Variants in CADPS2 observed in about 807,000 individuals in gnomAD.
CADPS2 encodes the protein calcium-dependent secretion activator 2.
CADPS2 carries 93 observed loss-of-function variants against 172.5 expected under a neutral mutation model. The ratio of observed to expected loss-of-function variants is 0.54; its 90% CI spans 0.46 to 0.64. CADPS2 has a LOEUF of 0.64. Ranked by LOEUF, CADPS2 falls within the 30% of genes least tolerant of loss-of-function variation. The probability of loss-of-function intolerance (pLI) is 0.00; values close to 1 mark genes in which losing one functional copy is unlikely to be tolerated. For synonymous variants in CADPS2, 546 were observed against 555.2 expected, an observed-to-expected ratio of 0.98 and a Z score of 0.23; for missense variants, 1,420 against 1,565.9, an observed-to-expected ratio of 0.91 and a Z score of 1.57.
intron 2 of CADPS2, among the ~76,000 whole-genome samples, chr7:122,693,310 C>A (rs1001568250): frequency 6.6e-6 from 1 of 152,132 alleles, no homozygotes; most frequent in Non-Finnish European, 1.5e-5. Context: ...CCCTTCATAT[C>A]GCCACAAGCC....
rs543148875 is a variant in CADPS2, at chr7:122,721,016, G to C, written c.453+15939C>G. On this transcript the variant is annotated intron_variant, in intron 2 of 29. Coordinates refer to ENST00000449022, the MANE Select transcript of CADPS2 (RefSeq NM_017954.11). ...TTTCAGAGCTTCATGAGAAATTCAT[G>C]TATCAATTTCTGTGTGCATAATATT... is the stretch of plus-strand genomic sequence containing the variant. Among the ~76,000 whole-genome samples, 10 of 152,130 alleles carry C rather than the reference G, an allele frequency of 6.6e-5. No homozygotes were observed. The East Asian group carries it at 1.9e-3, about 29-fold the overall frequency.
intron 17 of CADPS2, among the ~76,000 whole-genome samples, chr7:122,431,592 T>C (rs1330685683): frequency 1.3e-5 from 2 of 152,064 alleles, no homozygotes; most frequent in South Asian, 2.1e-4. Flanking sequence ...AGACAGACAG[T>C]GGGCTCTGAA....
intron 22 of CADPS2, 76 bp downstream of exon 22, chr7:122,393,118 TAA>T: frequency 6.6e-7 from 1 of 1,519,194 alleles, no homozygotes. Context: ...CCATGCAGTC[TAA>T]ACACATCTGC....
chr7:122,679,851 A>G (rs1436158953), intron 2 of CADPS2, among the ~76,000 whole-genome samples: 1 of 152,170 alleles, frequency 6.6e-6, no homozygotes, highest in Admixed American at 6.5e-5. Context: ...CCCCTCTCAC[A>G]ATCCTAATCT....
intron 25 of CADPS2, among the ~76,000 whole-genome samples, chr7:122,378,204 C>G (rs1329082921): frequency 1.3e-5 from 2 of 152,028 alleles, no homozygotes; most frequent in African/African-American, 4.8e-5. Context: ...AAGGTTGTTT[C>G]CAAATATTGG....
At chr7:122,865,119 T>C (rs1315125868) in intron 1 of CADPS2, among the ~76,000 whole-genome samples, 1 of 152,052 alleles carries the variant, frequency 6.6e-6, no homozygotes, top group Non-Finnish European at 1.5e-5. Context: ...CCGTGAGGGA[T>C]GGTTGTTAAA....
At chr7:122,441,390 A>G (rs1197953771) in intron 16 of CADPS2, 122 bp downstream of exon 16, 4 of 542,540 alleles carry the variant, frequency 7.4e-6, no homozygotes, top group Non-Finnish European at 1.3e-5. Flanking sequence ...TGAGAAACTC[A>G]TGACTTGTGA....
At chr7:122,706,254 C>G (rs187955314) in intron 2 of CADPS2, among the ~76,000 whole-genome samples, 1 of 20,294 alleles carries the variant, frequency 4.9e-5, no homozygotes, top group East Asian at 1.6e-3. Flanking sequence ...CTTATATATT[C>G]AAGGAATATA....
chr7:122,705,947 A>T (rs375450033), intron 2 of CADPS2, among the ~76,000 whole-genome samples: 382 of 954 alleles, frequency 0.4, 142 homozygotes, highest in African/African-American at 0.41. Context: ...ATATAATATA[A>T]TATATAATAT....
At chr7:122,643,065 C>A (rs2134582389) in intron 3 of CADPS2, among the ~76,000 whole-genome samples, 1 of 152,224 alleles carries the variant, frequency 6.6e-6, no homozygotes, top group East Asian at 1.9e-4. Flanking sequence ...ATCTGTAAAT[C>A]TAGTGATTTG....
At chr7:122,717,227 A>G (rs1327869074) in intron 2 of CADPS2, among the ~76,000 whole-genome samples, 1 of 152,140 alleles carries the variant, frequency 6.6e-6, no homozygotes, top group African/African-American at 2.4e-5. Flanking sequence ...TCAAAACCCA[A>G]TTAAGAAGTT....
chr7:122,600,999 A>C (rs1446516096), intron 6 of CADPS2, among the ~76,000 whole-genome samples: 1 of 152,110 alleles, frequency 6.6e-6, no homozygotes, highest in Non-Finnish European at 1.5e-5. Context: ...ACCACTTTAG[A>C]AACACAATTT....
At chr7:122,633,696 T>C (rs2076790905) in intron 3 of CADPS2, among the ~76,000 whole-genome samples, 1 of 152,168 alleles carries the variant, frequency 6.6e-6, no homozygotes, top group South Asian at 2.1e-4. Context: ...TTATTTCTAT[T>C]GCCTGATTTC....
intron 7 of CADPS2, among the ~76,000 whole-genome samples, chr7:122,564,160 T>G (rs909251800): frequency 3.9e-5 from 6 of 152,142 alleles, no homozygotes; most frequent in African/African-American, 1.4e-4. Context: ...GAATAAGGGA[T>G]CCATGCAAGG....
chr7:122,782,490 G>A (rs576039721), intron 1 of CADPS2, among the ~76,000 whole-genome samples: 10 of 152,186 alleles, frequency 6.6e-5, no homozygotes, highest in Admixed American at 2.6e-4. Flanking sequence ...GCATGTCTGC[G>A]GTCCCAGCTA....
intron 1 of CADPS2, among the ~76,000 whole-genome samples, chr7:122,772,318 C>G (rs1444079883): frequency 1.3e-5 from 2 of 152,176 alleles, no homozygotes; most frequent in Non-Finnish European, 2.9e-5. Flanking sequence ...ATTAACATAT[C>G]ACTTCAATAG....
intron 1 of CADPS2, among the ~76,000 whole-genome samples, chr7:122,858,127 C>T (rs1020563038): frequency 6.6e-6 from 1 of 152,094 alleles, no homozygotes; most frequent in African/African-American, 2.4e-5. Context: ...GTCCATTTTA[C>T]AGAGTGCCGA....
intron 17 of CADPS2, among the ~76,000 whole-genome samples, chr7:122,416,989 G>A (rs2048002167): frequency 6.6e-6 from 1 of 152,144 alleles, no homozygotes; most frequent in African/African-American, 2.4e-5. Flanking sequence ...ATGTTGTCGG[G>A]GATTCATAGG....
In CADPS2 at chr7:122,865,546, C is replaced by A. The variant is rs149676414; in HGVS notation, c.339+20453G>T. ...CTCTCCTCAGAGAAGTATCAGCAGT[C>A]TCTGGCTTGTATCTGACTTCTGTAC... On this transcript the variant is annotated intron_variant, in intron 1 of 29. Transcript: ENST00000449022. Among the ~76,000 whole-genome samples the A allele has an allele frequency of 3.5e-4, 53 of 152,316 alleles. No individual in the cohort carries two copies. In the East Asian group the frequency reaches 5.4e-3, roughly 16 times the overall value.
Sources: allele counts gnomAD v4.1 joint callset (sites outside exome capture counted in the v4.1 genomes callset), GRCh38; gene constraint gnomAD v4.1.1; transcripts MANE v1.5; gene names NCBI Gene and HGNC (gene_info 2026-07-23, HGNC 2026-07-21).